RPL31: variants seen among roughly 807,000 people sequenced by gnomAD.
The protein encoded by RPL31 is large ribosomal subunit protein eL31.
For synonymous variants in RPL31, 51 were observed against 55.0 expected, an observed-to-expected ratio of 0.93 and a Z score of 0.32; for missense variants, 95 against 164.0, an observed-to-expected ratio of 0.58 and a Z score of 2.30.
chr2:101,005,968 A>G lies in RPL31; in HGVS notation c.243A>G (p.Pro81=). 6.2e-7 allele frequency: 1 copy of G among 1,611,220 alleles called. No homozygotes were observed. The change falls in exon 4 of 5, where the codon CCA becomes CCG. Residue 81 remains proline, a synonymous_variant. Coordinates refer to ENST00000264258, the MANE Select transcript of RPL31 (RefSeq NM_000993.5). ...ATTATGTTTTTATTAGGAATGTGCC[A>G]TACCGAATCCGTGTGCGGCTGTCCA... is the stretch of plus-strand genomic sequence containing the variant. The part of the protein sequence containing the change: ...AVWAKGIRNV[P]YRIRVRLSRK...
At chr2:101,016,387 C>G (rs1255032883) in intron 4 of RPL31, among the ~76,000 whole-genome samples, 1 of 151,926 alleles carries the variant, frequency 6.6e-6, no homozygotes, top group Non-Finnish European at 1.5e-5. Flanking sequence ...CCATCTCACA[C>G]CAGTTAGAAT....
chr2:101,011,293 G>A (rs1679189595), downstream of RPL31: 2 of 781,802 alleles, frequency 2.6e-6, no homozygotes, highest in South Asian at 1.8e-5. Flanking sequence ...CCCCCACTAG[G>A]AGCACTTCTG....
At chr2:101,011,170 C>T, downstream of RPL31, 6 of 811,324 alleles carry the variant, frequency 7.4e-6, no homozygotes, top group Non-Finnish European at 1.2e-5. Flanking sequence ...AGAGATTCCC[C>T]TGGAGAGCCA....
rs141343330 is a variant in RPL31, at chr2:101,006,735, A to T, written c.*354A>T. On this transcript the variant is annotated 3_prime_UTR_variant, in exon 5 of 5. Coordinates refer to ENST00000264258, the MANE Select transcript of RPL31 (RefSeq NM_000993.5). The stretch of plus-strand genomic sequence containing the variant: ...CATTTTAGGAAACAACTTTAAAATG[A>T]TATACTATCTATCTATCTATCTGTA... 1 of 226,964 alleles carries T rather than the reference A, an allele frequency of 4.4e-6. No homozygotes were observed. The highest frequency in any genetic ancestry group is 8.5e-6 in the Non-Finnish European group (1 of 117,670). The allele number at this position is 226,964 out of a possible 1,614,324, so 14.1% of individuals were successfully genotyped here. A position where few individuals can be genotyped will look rare whatever the true frequency, so the allele number is the denominator to read the frequency against.
chr2:101,004,081 CG>C, intron 2 of RPL31, 76 bp from the exon 3 acceptor site: 1 of 1,502,138 alleles, frequency 6.7e-7, no homozygotes, highest in Non-Finnish European at 9.0e-7. Flanking sequence ...AGCCTATCAT[CG>C]ACATTGAGGA....
intron 4 of RPL31, among the ~76,000 whole-genome samples, chr2:101,014,930 T>A (rs1679501977): frequency 6.6e-6 from 1 of 152,210 alleles, no homozygotes; most frequent in African/African-American, 2.4e-5. Flanking sequence ...ATAATGCTTG[T>A]AAGGTTTTTC....
At chr2:101,016,146 A>G (rs1395884245) in intron 4 of RPL31, among the ~76,000 whole-genome samples, 2 of 152,208 alleles carry the variant, frequency 1.3e-5, no homozygotes, top group Admixed American at 6.5e-5. Context: ...AATCTTCAAA[A>G]TGGGAGAAAA....
chr2:101,018,932 T>C, intron 4 of RPL31: 5 of 1,580,122 alleles, frequency 3.2e-6, no homozygotes, highest in East Asian at 2.3e-5. Flanking sequence ...CCTAATCTTC[T>C]GGAATGCTCT....
At chr2:101,011,309 T>C, downstream of RPL31, 1 of 905,982 alleles carries the variant, frequency 1.1e-6, no homozygotes, top group Non-Finnish European at 1.7e-6. Flanking sequence ...TTCTGTCCTC[T>C]AAAGGCAGTG....
chr2:101,016,687 A>G (rs1679664083), intron 4 of RPL31, among the ~76,000 whole-genome samples: 1 of 152,260 alleles, frequency 6.6e-6, no homozygotes, highest in African/African-American at 2.4e-5. Context: ...ATGTCCAACA[A>G]GGATAGACTG....
intron 4 of RPL31, chr2:101,018,876 G>C: frequency 7.9e-7 from 1 of 1,266,068 alleles, no homozygotes; most frequent in East Asian, 2.6e-5. Flanking sequence ...AAGCAAAATG[G>C]CCAATATCCG....
chr2:101,004,678 G>GT (rs974569989), intron 3 of RPL31: 6 of 207,404 alleles, frequency 2.9e-5, no homozygotes, highest in Non-Finnish European at 4.7e-5. Context: ...GCCTGCGGCA[G>GT]TTTTACCTGT....
At chr2:101,010,833 G>A (rs530104272), downstream of RPL31, 15 of 996,920 alleles carry the variant, frequency 1.5e-5, no homozygotes, top group Admixed American at 1.6e-4. Context: ...AGTGGGCTGA[G>A]ATCGCGCCAC....
intron 4 of RPL31, among the ~76,000 whole-genome samples, chr2:101,014,260 A>G (rs17025184): frequency 0.03 from 4,596 of 151,728 alleles, 252 homozygotes; most frequent in African/African-American, 0.1. Flanking sequence ...CTTCTGTGGC[A>G]TTTTAACTCA....
chr2:101,006,393 C>G lies in RPL31; in HGVS notation c.*12C>G. On this transcript the variant is annotated 3_prime_UTR_variant, in exon 5 of 5. Transcript: ENST00000264258. The stretch of plus-strand genomic sequence containing the variant: ...TGGATGAGAACTAATCGCTGATCGT[C>G]AGATCAAATAAAGTTATAAAATTGC... 2 of 1,608,568 alleles carry G rather than the reference C, an allele frequency of 1.2e-6. No individual in the cohort carries two copies. Among genetic ancestry groups the G allele is most frequent in the Non-Finnish European group, 1.7e-6 (2 of 1,178,354 alleles).
At chr2:101,003,140 C>A (rs1159707679) in intron 2 of RPL31, among the ~76,000 whole-genome samples, 1 of 152,194 alleles carries the variant, frequency 6.6e-6, no homozygotes, top group Admixed American at 6.5e-5. Context: ...ATCAAGAGTT[C>A]TTGCCATGAT....
chr2:101,006,204 A>T (rs762733871), intron 4 of RPL31, 133 bp downstream of exon 4: 12 of 1,507,902 alleles, frequency 8.0e-6, no homozygotes, highest in Middle Eastern at 1.7e-4. Flanking sequence ...GTGTGGGAAG[A>T]TGCTAAAGAA....
At chr2:101,016,771 G>T (rs1679672632) in intron 4 of RPL31, among the ~76,000 whole-genome samples, 1 of 152,148 alleles carries the variant, frequency 6.6e-6, no homozygotes, top group East Asian at 1.9e-4. Context: ...CATGTCCTTT[G>T]TAGGGACATG....
intron 4 of RPL31, among the ~76,000 whole-genome samples, chr2:101,017,267 G>A (rs1415136722): frequency 2.6e-5 from 4 of 151,958 alleles, no homozygotes; most frequent in Admixed American, 2.6e-4. Context: ...CTGTTTTACA[G>A]TTTATTTTTT....
Sources: gnomAD v4.1 joint callset for allele counts (sites outside exome capture counted in the v4.1 genomes callset) on GRCh38, gnomAD v4.1.1 for gene constraint, MANE v1.5 for transcripts, NCBI Gene and HGNC (gene_info 2026-07-23, HGNC 2026-07-21) for gene names.